The following GIPC2 variants were observed in gnomAD, a reference collection of about 807,000 sequenced individuals.
GIPC2 encodes the protein PDZ domain-containing protein GIPC2.
In GIPC2, 30 loss-of-function variants were observed where a neutral mutation model predicts 30.6. That is an observed-to-expected ratio of 0.98 (90% CI 0.73 to 1.33). The LOEUF is 1.33. Ranked by LOEUF, GIPC2 falls within the 40% of genes most tolerant of loss-of-function variation. The probability of loss-of-function intolerance (pLI) is 0.00; values close to 1 mark genes in which losing one functional copy is unlikely to be tolerated. For synonymous variants in GIPC2, 167 were observed against 150.0 expected, an observed-to-expected ratio of 1.11 and a Z score of -0.83; for missense variants, 414 against 390.3, an observed-to-expected ratio of 1.06 and a Z score of -0.51.
intron 1 of GIPC2, among the ~76,000 whole-genome samples, chr1:78,051,833 A>G (rs1661203570): frequency 6.6e-6 from 1 of 152,182 alleles, no homozygotes; most frequent in Non-Finnish European, 1.5e-5. Context: ...TATCCTCACA[A>G]GCATGCTGTT....
At position 78,046,243 on chromosome 1, in the gene GIPC2, ACGGTAGTGCCAC is replaced by A. The variant is rs760410487; in HGVS notation, c.150_161del (p.His50_Thr54delinsGln). 2.3e-5 allele frequency: 37 copies of A among 1,608,810 alleles called. No individual in the cohort carries two copies. The South Asian group carries it at 3.4e-4, about 15-fold the overall frequency. On this transcript the variant is annotated inframe_deletion, in exon 1 of 6. Transcript: ENST00000370759. ...CTGGTCTTCCACGCGCAGCTGGCGC[ACGGTAGTGCCAC>A]GGGCCGAGTGGAGGGCTTCTCCAGC...
intron 1 of GIPC2, among the ~76,000 whole-genome samples, chr1:78,058,048 G>C (rs561014511): frequency 1.3e-5 from 2 of 152,298 alleles, no homozygotes; most frequent in African/African-American, 2.4e-5. Context: ...GCTGGAAAAT[G>C]TTCCATCATT....
intron 3 of GIPC2, among the ~76,000 whole-genome samples, chr1:78,107,180 C>T (rs907370433): frequency 6.6e-6 from 1 of 151,846 alleles, no homozygotes; most frequent in Admixed American, 6.6e-5. Flanking sequence ...CTCCCTCCCT[C>T]CTTCCAGGGT....
At chr1:78,128,970 A>G (rs980603437) in intron 5 of GIPC2, among the ~76,000 whole-genome samples, 4 of 151,828 alleles carry the variant, frequency 2.6e-5, no homozygotes, top group African/African-American at 7.3e-5. Context: ...GCGCCACTGC[A>G]CTTTAGACTG....
intron 3 of GIPC2, among the ~76,000 whole-genome samples, chr1:78,108,345 C>T (rs532543810): frequency 4.6e-5 from 7 of 152,238 alleles, no homozygotes; most frequent in South Asian, 4.2e-4. Flanking sequence ...ATGAAAACAG[C>T]GTTGGGGCTT....
chr1:78,071,738 A>G (rs938428666), intron 1 of GIPC2, among the ~76,000 whole-genome samples: 25 of 152,168 alleles, frequency 1.6e-4, no homozygotes, highest in Non-Finnish European at 3.4e-4. Flanking sequence ...AAAAGTTTTA[A>G]ATTCAAAGCT....
At chr1:78,066,930 G>T (rs899203913) in intron 1 of GIPC2, among the ~76,000 whole-genome samples, 2 of 152,204 alleles carry the variant, frequency 1.3e-5, no homozygotes, top group African/African-American at 2.4e-5. Flanking sequence ...ATAACTAGTG[G>T]GTACTAGGCT....
intron 2 of GIPC2, among the ~76,000 whole-genome samples, chr1:78,085,901 T>TTC (rs1435073607): frequency 6.6e-6 from 1 of 151,314 alleles, no homozygotes; most frequent in Admixed American, 6.6e-5. Flanking sequence ...TTGAATGTTT[T>TTC]TTTTTTTTTT....
In GIPC2 at chr1:78,137,837, C is replaced by T. The variant is rs1009779687; in HGVS notation, c.*2094C>T. On this transcript the variant is annotated 3_prime_UTR_variant, in exon 6 of 6. Coordinates refer to ENST00000370759, the MANE Select transcript of GIPC2 (RefSeq NM_017655.6). ...TTGTGAGCTTTCTGCCTTTTTGTAA[C>T]GCTCAGTGCACCAAAAGCGTCTGTT... The T allele has an allele frequency of 8.5e-5, 13 of 152,176 alleles. No individual in the cohort carries two copies. Among genetic ancestry groups the T allele is most frequent in the South Asian group, 2.1e-4 (1 of 4,818 alleles). The allele number at this position is 152,176 out of a possible 1,614,324, so 9.4% of individuals were successfully genotyped here. A position where few individuals can be genotyped will look rare whatever the true frequency, so the allele number is the denominator to read the frequency against.
chr1:78,119,559 A>C, intron 4 of GIPC2, 60 bp downstream of exon 4: 1 of 1,042,706 alleles, frequency 9.6e-7, no homozygotes, highest in East Asian at 2.4e-5. Flanking sequence ...ATAAAATTCC[A>C]TTCATTCTAA....
intron 2 of GIPC2, among the ~76,000 whole-genome samples, chr1:78,087,972 CAT>C (rs1457288726): frequency 6.6e-6 from 1 of 152,102 alleles, no homozygotes; most frequent in Non-Finnish European, 1.5e-5. Flanking sequence ...AGCAGACACA[CAT>C]GTGGCCAACA....
intron 3 of GIPC2, chr1:78,112,582 C>T (rs41440645): frequency 0.1 from 52,809 of 517,882 alleles, 5,657 homozygotes; most frequent in African/African-American, 0.41. Flanking sequence ...TCGTTCTGTG[C>T]GGAAGTGGGG....
At position 78,136,817 on chromosome 1, in the gene GIPC2, T is replaced by C. The variant is rs1343801465; in HGVS notation, c.*1074T>C. 1 of 152,084 alleles carries C rather than the reference T, an allele frequency of 6.6e-6. No individual in the cohort carries two copies. The highest frequency in any genetic ancestry group is 2.4e-5 in the African/African-American group (1 of 41,426). 9.4% of individuals were successfully genotyped at this position (152,084 alleles called of 1,614,324 possible). A position where few individuals can be genotyped will look rare whatever the true frequency, so the allele number is the denominator to read the frequency against. On this transcript the variant is annotated 3_prime_UTR_variant, in exon 6 of 6. Transcript: ENST00000370759. ...GTAAATGACTGTCTTATCACTCTTA[T>C]TTGACATTTCGTAGGTGTAAGAGAA...
At chr1:78,053,063 C>CA (rs1409642938) in intron 1 of GIPC2, among the ~76,000 whole-genome samples, 5 of 152,008 alleles carry the variant, frequency 3.3e-5, no homozygotes, top group Admixed American at 3.3e-4. Flanking sequence ...CAAAAATCTA[C>CA]AAAAAATGAA....
At chr1:78,107,983 A>C (rs1358390176) in intron 3 of GIPC2, among the ~76,000 whole-genome samples, 2 of 152,114 alleles carry the variant, frequency 1.3e-5, no homozygotes, top group African/African-American at 4.8e-5. Flanking sequence ...ATGTGGTAGA[A>C]TATGTTATCA....
chr1:78,046,091 C>A lies in GIPC2; in HGVS notation c.-4C>A. ...AGGTGGGCCCGCGCTCTCGGCCCTG[C>A]AAGATGCCCCTGAAGCTGCGGGGGA... On this transcript the variant is annotated 5_prime_UTR_variant, in exon 1 of 6. Coordinates refer to ENST00000370759, the MANE Select transcript of GIPC2 (RefSeq NM_017655.6). 2.8e-6 allele frequency: 4 copies of A among 1,447,432 alleles called. No individual in the cohort carries two copies. The highest frequency in any genetic ancestry group is 2.4e-4 in the Middle Eastern group (1 of 4,236). 89.7% of individuals were successfully genotyped at this position (1,447,432 alleles called of 1,614,324 possible).
chr1:78,083,541 G>T (rs1313768899), intron 2 of GIPC2, among the ~76,000 whole-genome samples: 1 of 152,018 alleles, frequency 6.6e-6, no homozygotes, highest in South Asian at 2.1e-4. Flanking sequence ...TTTCTTACTT[G>T]CATGGCACAA....
chr1:78,062,021 A>G (rs1373427002), intron 1 of GIPC2, among the ~76,000 whole-genome samples: 1 of 152,158 alleles, frequency 6.6e-6, no homozygotes, highest in Admixed American at 6.5e-5. Flanking sequence ...GTGTATAAAA[A>G]TCTCCCTGGA....
chr1:78,133,191 C>T (rs982608347), intron 5 of GIPC2, among the ~76,000 whole-genome samples: 4 of 152,158 alleles, frequency 2.6e-5, no homozygotes, highest in African/African-American at 9.7e-5. Context: ...TTAGTTACTA[C>T]GGGCATAAAA....
Sources: allele counts gnomAD v4.1 joint callset (sites outside exome capture counted in the v4.1 genomes callset), GRCh38; gene constraint gnomAD v4.1.1; transcripts MANE v1.5; gene names NCBI Gene and HGNC (gene_info 2026-07-23, HGNC 2026-07-21).